The following HHAT variants were observed in gnomAD, a reference collection of about 807,000 sequenced individuals.
HHAT encodes the protein hedgehog acyltransferase.
In HHAT, 47 loss-of-function variants were observed where a neutral mutation model predicts 70.8. That is an observed-to-expected ratio of 0.66 (90% CI 0.53 to 0.85). The LOEUF is 0.85. HHAT is among the 40% of genes least tolerant of loss of function. The pLI, the probability that HHAT is intolerant of heterozygous loss-of-function variation, is 0.00. For synonymous variants in HHAT, 228 were observed against 247.6 expected, an observed-to-expected ratio of 0.92 and a Z score of 0.74; for missense variants, 609 against 604.8, an observed-to-expected ratio of 1.01 and a Z score of -0.07.
intron 9 of HHAT, among the ~76,000 whole-genome samples, chr1:210,568,163 A>G (rs938090223): frequency 3.3e-5 from 5 of 152,222 alleles, no homozygotes; most frequent in African/African-American, 1.2e-4. Flanking sequence ...TTCCTACATA[A>G]TGAAGTCTCC....
chr1:210,605,223 T>C (rs1234090605), intron 10 of HHAT, among the ~76,000 whole-genome samples: 1 of 152,214 alleles, frequency 6.6e-6, no homozygotes, highest in Non-Finnish European at 1.5e-5. Context: ...GTGTTACAGA[T>C]GTTACAGATA....
chr1:210,418,273 T>A lies in HHAT; in HGVS notation c.804T>A (p.His268Gln), dbSNP rs531101409. 6.2e-7 allele frequency: 1 copy of A among 1,613,274 alleles called. No homozygotes were observed. The highest frequency in any genetic ancestry group is 8.5e-7 in the Non-Finnish European group (1 of 1,179,654). ...TGATGGCTCACCTGATGTACATGCA[T>A]GCCATCTACAGCAGCATCCCCCTCC... ...AELMAHLMYM[H>Q]AIYSSIPLLE... is the part of the protein sequence containing the mutation. The change falls in exon 7 of 12, where the codon CAT (histidine) becomes CAA (glutamine). Residue 268 changes from histidine to glutamine, a missense_variant. By Grantham distance (24) the His-to-Gln change is conservative. Coordinates refer to ENST00000261458, the MANE Select transcript of HHAT (RefSeq NM_018194.6).
chr1:210,638,486 C>G (rs1285134561), intron 11 of HHAT, among the ~76,000 whole-genome samples: 1 of 152,030 alleles, frequency 6.6e-6, no homozygotes, highest in Non-Finnish European at 1.5e-5. Context: ...TATAGAGACA[C>G]AAATAGAATA....
At chr1:210,486,214 GTTAA>G (rs1249189223) in intron 8 of HHAT, among the ~76,000 whole-genome samples, 3 of 152,086 alleles carry the variant, frequency 2.0e-5, no homozygotes, top group African/African-American at 7.2e-5. Flanking sequence ...TAATCAGGAT[GTTAA>G]TTAATATATT....
chr1:210,615,713 G>T (rs755775554), intron 10 of HHAT, among the ~76,000 whole-genome samples: 11 of 152,362 alleles, frequency 7.2e-5, no homozygotes, highest in East Asian at 1.9e-4. Flanking sequence ...TCCAGACCCT[G>T]TTTGCCTAGG....
At chr1:210,593,729 A>T (rs965572572) in intron 10 of HHAT, among the ~76,000 whole-genome samples, 1 of 151,914 alleles carries the variant, frequency 6.6e-6, no homozygotes, top group African/African-American at 2.4e-5. Flanking sequence ...TTCTTTGTTG[A>T]TTTTCTGTTT....
At chr1:210,354,195 CTTTTTTTTTTTTT>C (rs71146220) in intron 2 of HHAT, among the ~76,000 whole-genome samples, 5 of 102,610 alleles carry the variant, frequency 4.9e-5, no homozygotes, top group African/African-American at 1.3e-4. Context: ...AACATAATGT[CTTTTTTTTTTTTT>C]TTTTTTTTTT....
At chr1:210,533,997 G>GAA (rs984992675) in intron 9 of HHAT, among the ~76,000 whole-genome samples, 1 of 152,180 alleles carries the variant, frequency 6.6e-6, no homozygotes, top group Admixed American at 6.5e-5. Flanking sequence ...CAGGAGGCTG[G>GAA]AAGAGAACAT....
intron 9 of HHAT, among the ~76,000 whole-genome samples, chr1:210,583,768 A>C (rs1188828765): frequency 6.6e-6 from 1 of 152,120 alleles, no homozygotes; most frequent in Non-Finnish European, 1.5e-5. Context: ...AGGCAAAGTA[A>C]CAGCCATGGT....
chr1:210,353,149 T>C (rs2087215459), intron 2 of HHAT, among the ~76,000 whole-genome samples: 1 of 152,114 alleles, frequency 6.6e-6, no homozygotes, highest in Admixed American at 6.6e-5. Flanking sequence ...CTAGTCAAGC[T>C]GGTCTCGAAT....
intron 8 of HHAT, among the ~76,000 whole-genome samples, chr1:210,476,143 G>A (rs898887529): frequency 6.6e-6 from 1 of 152,198 alleles, no homozygotes; most frequent in African/African-American, 2.4e-5. Flanking sequence ...AAAGGCAGAA[G>A]TTTTCTTATC....
intron 8 of HHAT, among the ~76,000 whole-genome samples, chr1:210,492,665 T>C (rs2094570314): frequency 6.6e-6 from 1 of 152,164 alleles, no homozygotes; most frequent in African/African-American, 2.4e-5. Context: ...AGTGTACACT[T>C]ACTTATTCTG....
chr1:210,431,426 T>C (rs2093239852), intron 7 of HHAT, among the ~76,000 whole-genome samples: 1 of 151,858 alleles, frequency 6.6e-6, no homozygotes. Flanking sequence ...ATATATATTT[T>C]TGGTCTCCAA....
At chr1:210,616,459 C>T (rs1385761524) in intron 10 of HHAT, among the ~76,000 whole-genome samples, 1 of 152,146 alleles carries the variant, frequency 6.6e-6, no homozygotes, top group Admixed American at 6.5e-5. Context: ...ACTTGTGGAT[C>T]CCAGTTACTT....
chr1:210,409,960 T>C (rs550346738), intron 6 of HHAT, among the ~76,000 whole-genome samples: 1 of 152,288 alleles, frequency 6.6e-6, no homozygotes, highest in African/African-American at 2.4e-5. Context: ...TTAAATGAAA[T>C]ACTTTGCATG....
chr1:210,364,142 G>C (rs187374567), intron 3 of HHAT, among the ~76,000 whole-genome samples: 4 of 152,144 alleles, frequency 2.6e-5, no homozygotes, highest in African/African-American at 9.7e-5. Context: ...GGCTTTTGTC[G>C]CTCTACCCAC....
intron 9 of HHAT, among the ~76,000 whole-genome samples, chr1:210,584,194 G>A (rs1213772231): frequency 1.3e-5 from 2 of 151,654 alleles, no homozygotes; most frequent in South Asian, 2.1e-4. Context: ...CCCCAGCCTC[G>A]GCTTCCCAAA....
At chr1:210,377,642 G>A (rs2090330434) in intron 3 of HHAT, among the ~76,000 whole-genome samples, 1 of 152,202 alleles carries the variant, frequency 6.6e-6, no homozygotes, top group South Asian at 2.1e-4. Flanking sequence ...GTTGGCAGTT[G>A]GGCTGAAGAT....
intron 9 of HHAT, among the ~76,000 whole-genome samples, chr1:210,576,007 C>G (rs1476149201): frequency 6.6e-6 from 1 of 152,144 alleles, no homozygotes; most frequent in Non-Finnish European, 1.5e-5. Context: ...CACATACCCT[C>G]TGTAGGCTTC....
Sources: allele counts gnomAD v4.1 joint callset (sites outside exome capture counted in the v4.1 genomes callset), GRCh38; gene constraint gnomAD v4.1.1; transcripts MANE v1.5; gene names NCBI Gene and HGNC (gene_info 2026-07-23, HGNC 2026-07-21).